PIMREG: variants seen among roughly 807,000 people sequenced by gnomAD.
PIMREG encodes the protein PICALM interacting mitotic regulator, also known as protein PIMREG.
PIMREG carries 19 observed loss-of-function variants against 24.3 expected under a neutral mutation model. The ratio of observed to expected loss-of-function variants is 0.78; its 90% CI spans 0.54 to 1.15. The LOEUF is 1.15. Ranked by LOEUF, PIMREG falls within the 50% of genes most tolerant of loss-of-function variation. The probability of loss-of-function intolerance (pLI) is 0.00; values close to 1 mark genes in which losing one functional copy is unlikely to be tolerated. For missense variants in PIMREG, 283 were observed against 306.8 expected (o/e 0.92, Z 0.58); for synonymous variants, 112 against 124.1 (o/e 0.90, Z 0.65).
chr17:6,445,137 G>T lies in PIMREG; in HGVS notation c.27G>T (p.Gly9=). Residue 9 remains glycine, a synonymous_variant, in exon 2 of 6, where the codon GGG becomes GGT. Coordinates refer to ENST00000572447, the MANE Select transcript of PIMREG (RefSeq NM_019013.3). MASRWQNM[G]TSVRRRSLQH... ...TGGCTTCTCGGTGGCAGAACATGGG[G>T]ACCTCCGTGCGCCGGAGATCTCTCC... 2 of 1,594,078 alleles carry T rather than the reference G, an allele frequency of 1.3e-6. No homozygotes were observed. Among genetic ancestry groups the T allele is most frequent in the Non-Finnish European group, 8.5e-7 (1 of 1,169,602 alleles).
intron 2 of PIMREG, among the ~76,000 whole-genome samples, chr17:6,446,618 GA>G (rs1367044883): frequency 6.6e-6 from 1 of 152,144 alleles, no homozygotes; most frequent in Non-Finnish European, 1.5e-5. Context: ...CGGCTGGTGT[GA>G]AAGGCCCAAG....
intron 2 of PIMREG, among the ~76,000 whole-genome samples, chr17:6,447,116 GT>G (rs1913605344): frequency 1.3e-5 from 2 of 149,840 alleles, no homozygotes; most frequent in African/African-American, 5.0e-5. Context: ...TTTTGTTGTT[GT>G]TTGTTTGTTT....
In PIMREG at chr17:6,445,236, C is replaced by G. The variant is rs746008796; in HGVS notation, c.126C>G (p.Ala42=). Residue 42 remains alanine, a synonymous_variant, in exon 2 of 6, where the codon GCC becomes GCG. Coordinates refer to ENST00000572447, the MANE Select transcript of PIMREG (RefSeq NM_019013.3). ...GCCATCAGGAGACCTCTGTAGGGGC[C>G]CTGGGGTCCCTGTGCAGACAGTTCC... ...VVSHQETSVG[A]LGSLCRQFQR... The G allele has an allele frequency of 6.2e-7, 1 of 1,613,694 alleles. No individual in the cohort carries two copies. Among genetic ancestry groups the G allele is most frequent in the Admixed American group, 1.7e-5 (1 of 60,012 alleles).
In PIMREG at chr17:6,445,187, G is replaced by A. The variant is rs538339231; in HGVS notation, c.77G>A (p.Ser26Asn). 29 of 1,613,592 alleles carry A rather than the reference G, an allele frequency of 1.8e-5. No individual in the cohort carries two copies. The Admixed American group carries it at 2.7e-4, about 15-fold the overall frequency. ...CAGCACCAGGAGCAGCTGGAGGACA[G>A]CAAGGAGCTGCAGCCTGTGGTCAGC... ...SLQHQEQLED[S>N]KELQPVVSHQ... The change falls in exon 2 of 6, where the codon AGC becomes AAC. Residue 26 changes from serine (S) to asparagine (N), a missense_variant. Ser to Asn is a conservative substitution (Grantham distance 46). Coordinates refer to ENST00000572447, the MANE Select transcript of PIMREG (RefSeq NM_019013.3).
intron 4 of PIMREG, chr17:6,449,618 GTCT>G (rs954767033): frequency 5.8e-5 from 70 of 1,209,298 alleles, no homozygotes; most frequent in Non-Finnish European, 7.4e-5. Context: ...AATGTGTGTG[GTCT>G]TCTGGGCCTT....
chr17:6,449,665 A>G, intron 4 of PIMREG: 1 of 1,377,218 alleles, frequency 7.3e-7, no homozygotes, highest in Non-Finnish European at 9.4e-7. Context: ...TTGGAACCTC[A>G]CGTGTGGCTG....
At position 6,447,570 on chromosome 17, in the gene PIMREG, C is replaced by T. The variant is rs1392687555; in HGVS notation, c.402C>T (p.His134=). The T allele has an allele frequency of 1.9e-6, 3 of 1,614,046 alleles. No individual in the cohort carries two copies. The highest frequency in any genetic ancestry group is 2.2e-5 in the East Asian group (1 of 44,894). The change falls in exon 3 of 6, where the codon CAC becomes CAT. Residue 134 remains histidine (H), a synonymous_variant. Transcript: ENST00000572447. ...AGAAGGGCAGTGGATCCCCAACTCA[C>T]AGCCTGAGCCAGAAGAGCACCCGGC... ...GAQKGSGSPT[H]SLSQKSTRLS... is the part of the protein sequence containing the mutation.
rs757340248 is a variant in PIMREG, at chr17:6,450,028, T to C, written c.687T>C (p.Ser229=). 3.7e-6 allele frequency: 6 copies of C among 1,614,004 alleles called. No individual in the cohort carries two copies. Among genetic ancestry groups the C allele is most frequent in the South Asian group, 1.1e-5 (1 of 91,088 alleles). ...ELDEAIMAEE[S]GDIVSLIHD Reference sequence around the variant, plus strand: ...CATCAATCCCTCCCCTTCTCTCTAGTGGTGACATCGTCTCTCTCATTCATG... The same window carrying C: ...CATCAATCCCTCCCCTTCTCTCTAGCGGTGACATCGTCTCTCTCATTCATG... Residue 229 remains serine (S), a splice_region_variant and synonymous_variant, in exon 5 of 6, where the codon AGT becomes AGC. Coordinates refer to ENST00000572447, the MANE Select transcript of PIMREG (RefSeq NM_019013.3).
At chr17:6,449,192 A>G in intron 3 of PIMREG, 120 bp from the exon 4 acceptor site, 1 of 715,218 alleles carries the variant, frequency 1.4e-6, no homozygotes, top group Non-Finnish European at 2.3e-6. Flanking sequence ...GAGGGTCTGG[A>G]GTGAAGCCCA....
At chr17:6,449,617 G>A (rs1913732925) in intron 4 of PIMREG, 4 of 1,180,620 alleles carry the variant, frequency 3.4e-6, no homozygotes, top group East Asian at 2.7e-5. Flanking sequence ...GAATGTGTGT[G>A]GTCTTCTGGG....
intron 2 of PIMREG, chr17:6,446,074 A>G (rs748873416): frequency 6.5e-5 from 26 of 401,110 alleles, no homozygotes; most frequent in Non-Finnish European, 9.3e-5. Context: ...CCTGATGGAG[A>G]CTAAGGGTTT....
intron 3 of PIMREG, among the ~76,000 whole-genome samples, chr17:6,448,489 G>A (rs1466715864): frequency 6.6e-6 from 1 of 152,152 alleles, no homozygotes; most frequent in Non-Finnish European, 1.5e-5. Flanking sequence ...ACTTTGAGCT[G>A]TAATTAAGGC....
rs1171296914 is a variant in PIMREG, at chr17:6,451,110, C to G, written c.*763C>G. On this transcript the variant is annotated 3_prime_UTR_variant, in exon 6 of 6. Coordinates refer to ENST00000572447, the MANE Select transcript of PIMREG (RefSeq NM_019013.3). ...GCAACCTCCAACCTCCCCCGCCCTC[C>G]CACACCACTCTGGGCTATAGATTTG... 1.3e-5 allele frequency: 2 copies of G among 152,198 alleles called. No homozygotes were observed. The highest frequency in any genetic ancestry group is 2.9e-5 in the Non-Finnish European group (2 of 68,042). The allele number at this position is 152,198 out of a possible 1,614,324, so 9.4% of individuals were successfully genotyped here.
chr17:6,449,437 A>C, intron 4 of PIMREG, 30 bp downstream of exon 4: 1 of 1,577,320 alleles, frequency 6.3e-7, no homozygotes, highest in Non-Finnish European at 8.6e-7. Context: ...TTCAAAGTGA[A>C]GGGGCCGGGA....
intron 5 of PIMREG, 124 bp downstream of exon 5, chr17:6,450,196 T>C (rs1913768793): frequency 2.4e-6 from 3 of 1,226,664 alleles, no homozygotes; most frequent in Non-Finnish European, 3.5e-6. Context: ...TACTTGCCGC[T>C]TGAAGCCAGA....
chr17:6,450,284 C>A (rs1315971032), intron 5 of PIMREG, 78 bp from the exon 6 acceptor site: 6 of 1,336,844 alleles, frequency 4.5e-6, no homozygotes, highest in South Asian at 2.6e-5. Context: ...CAGCACCCCC[C>A]ACCCCGCAGT....
intron 4 of PIMREG, 108 bp from the exon 5 acceptor site, chr17:6,449,920 G>C: frequency 7.0e-7 from 1 of 1,438,300 alleles, no homozygotes; most frequent in Non-Finnish European, 9.8e-7. Flanking sequence ...GTGTTGAGGG[G>C]CCATATTCCT....
intron 3 of PIMREG, among the ~76,000 whole-genome samples, chr17:6,448,700 G>A (rs550266071): frequency 6.6e-6 from 1 of 152,266 alleles, no homozygotes; most frequent in Admixed American, 6.5e-5. Flanking sequence ...GCCTGGCTCA[G>A]GGCAGGGGGT....
rs201409597 is a variant in PIMREG, at chr17:6,449,334, C to T, written c.613C>T (p.Pro205Ser). 5.5e-5 allele frequency: 89 copies of T among 1,612,876 alleles called. No individual in the cohort carries two copies. Among genetic ancestry groups the T allele is most frequent in the Admixed American group, 3.0e-4 (18 of 59,826 alleles). The change falls in exon 4 of 6, where the codon CCT becomes TCT. Residue 205 changes from proline (P) to serine (S), a missense_variant. Transcript: ENST00000572447. Reference sequence around the variant, plus strand: ...CAGCGAGTCTGACAGTGACCTAGAGCCTGTGGGGGCGGGAATTCAGCATCT... The same window carrying T: ...CAGCGAGTCTGACAGTGACCTAGAGTCTGTGGGGGCGGGAATTCAGCATCT... ...SPSESDSDLE[P>S]VGAGIQHLQK...
Sources: allele counts gnomAD v4.1 joint callset (sites outside exome capture counted in the v4.1 genomes callset), GRCh38; gene constraint gnomAD v4.1.1; transcripts MANE v1.5; gene names NCBI Gene and HGNC (gene_info 2026-07-23, HGNC 2026-07-21).